CHCHD3: variants seen among roughly 807,000 people sequenced by gnomAD.
The protein encoded by CHCHD3 is MICOS complex subunit MIC19.
CHCHD3 carries 20 observed loss-of-function variants against 38.2 expected under a neutral mutation model. The observed-to-expected ratio is 0.52, with a 90% confidence interval of 0.37 to 0.76. The LOEUF is 0.76. CHCHD3 is among the 30% of genes least tolerant of loss of function. The pLI, the probability that CHCHD3 is intolerant of heterozygous loss-of-function variation, is 0.00. For missense variants in CHCHD3, 245 were observed against 279.2 expected, an observed-to-expected ratio of 0.88 and a Z score of 0.87; for synonymous variants, 82 against 100.0, an observed-to-expected ratio of 0.82 and a Z score of 1.07.
At chr7:132,873,480 C>G (rs1808819171) in intron 5 of CHCHD3, among the ~76,000 whole-genome samples, 1 of 148,688 alleles carries the variant, frequency 6.7e-6, no homozygotes, top group African/African-American at 2.5e-5. Context: ...GTGGCGCAAT[C>G]TCGGCTCCCT....
intron 5 of CHCHD3, among the ~76,000 whole-genome samples, chr7:132,877,866 AG>A (rs1808952470): frequency 1.3e-5 from 2 of 152,210 alleles, no homozygotes; most frequent in Admixed American, 1.3e-4. Context: ...AGTGCAAACT[AG>A]TATAACCCAC....
At position 132,881,001 on chromosome 7, in the gene CHCHD3, C is replaced by T. The variant is rs547408188; in HGVS notation, c.453+4661G>A. ...ACTCTCTAAGTATCTTTCAATTAGGCAAGACACCTAAATGTGATATCTCTA... is the reference window on the plus strand; with the variant it reads ...ACTCTCTAAGTATCTTTCAATTAGGTAAGACACCTAAATGTGATATCTCTA... On this transcript the variant is annotated intron_variant, in intron 5 of 7. Coordinates refer to ENST00000262570, the MANE Select transcript of CHCHD3 (RefSeq NM_017812.4). 1.5e-3 allele frequency among the ~76,000 whole-genome samples: 222 copies of T among 152,232 alleles called. 1 individual carries two copies. The highest frequency in any genetic ancestry group is 2.7e-3 in the Non-Finnish European group (184 of 67,988).
At chr7:132,989,667 T>C (rs568050227) in intron 3 of CHCHD3, among the ~76,000 whole-genome samples, 1 of 152,290 alleles carries the variant, frequency 6.6e-6, no homozygotes, top group African/African-American at 2.4e-5. Context: ...TATTCTGATT[T>C]TAGTTCATAA....
intron 4 of CHCHD3, among the ~76,000 whole-genome samples, chr7:132,890,982 G>A (rs1400426891): frequency 2.6e-5 from 4 of 152,074 alleles, no homozygotes; most frequent in African/African-American, 4.8e-5. Flanking sequence ...CAATATATAC[G>A]AACCTAAGAA....
At chr7:132,918,552 C>T (rs914643491) in intron 4 of CHCHD3, among the ~76,000 whole-genome samples, 1 of 152,300 alleles carries the variant, frequency 6.6e-6, no homozygotes, top group Middle Eastern at 3.4e-3. Flanking sequence ...ACATGAGTAT[C>T]AGCCCTTTTC....
At chr7:132,960,897 C>T (rs1313313642) in intron 4 of CHCHD3, among the ~76,000 whole-genome samples, 1 of 152,090 alleles carries the variant, frequency 6.6e-6, no homozygotes, top group Non-Finnish European at 1.5e-5. Context: ...ATTGCTTGAA[C>T]ACCAGAAGCG....
chr7:133,047,948 T>A (rs1324951405), intron 2 of CHCHD3, among the ~76,000 whole-genome samples: 1 of 151,954 alleles, frequency 6.6e-6, no homozygotes, highest in Non-Finnish European at 1.5e-5. Context: ...ATTAGCCAAG[T>A]GTGGTGGCAC....
chr7:132,936,019 A>C (rs1436855351), intron 4 of CHCHD3, among the ~76,000 whole-genome samples: 8 of 152,304 alleles, frequency 5.3e-5, no homozygotes, highest in Admixed American at 2.0e-4. Context: ...AACAGCAGTA[A>C]TCCATTCACG....
At chr7:132,874,302 A>G (rs1462913086) in intron 5 of CHCHD3, among the ~76,000 whole-genome samples, 2 of 152,232 alleles carry the variant, frequency 1.3e-5, no homozygotes, top group East Asian at 3.8e-4. Context: ...ATTACTGACC[A>G]TCATCAAACT....
At chr7:132,958,786 G>A (rs1240582234) in intron 4 of CHCHD3, among the ~76,000 whole-genome samples, 1 of 152,150 alleles carries the variant, frequency 6.6e-6, no homozygotes, top group African/African-American at 2.4e-5. Flanking sequence ...TATAATCTGT[G>A]AGCACAGGTA....
intron 5 of CHCHD3, among the ~76,000 whole-genome samples, chr7:132,852,664 C>T (rs1471223539): frequency 6.6e-6 from 1 of 152,168 alleles, no homozygotes; most frequent in Non-Finnish European, 1.5e-5. Context: ...TACAGAGACT[C>T]ATAACCAACA....
chr7:133,034,995 T>G, intron 2 of CHCHD3: 1 of 1,609,298 alleles, frequency 6.2e-7, no homozygotes, highest in Middle Eastern at 1.7e-4. Flanking sequence ...CTCCCAGAAA[T>G]ATGGCAGTGC....
At chr7:132,999,681 A>G (rs747957030) in intron 3 of CHCHD3, among the ~76,000 whole-genome samples, 1 of 151,040 alleles carries the variant, frequency 6.6e-6, no homozygotes, top group South Asian at 2.1e-4. Context: ...CTATTATTCA[A>G]TTTGATATTA....
chr7:133,033,093 G>A (rs775270002), intron 2 of CHCHD3, among the ~76,000 whole-genome samples: 3 of 152,014 alleles, frequency 2.0e-5, no homozygotes, highest in Non-Finnish European at 2.9e-5. Flanking sequence ...TTATGTAAAC[G>A]TTCAAACATA....
At chr7:132,841,489 G>A (rs921056714) in intron 5 of CHCHD3, among the ~76,000 whole-genome samples, 2 of 150,180 alleles carry the variant, frequency 1.3e-5, no homozygotes, top group Admixed American at 1.3e-4. Flanking sequence ...ATGAGAGAAC[G>A]GATAACTACT....
In CHCHD3 at chr7:132,820,039, C is replaced by T. The variant is rs373959465; in HGVS notation, c.524+18360G>A. ...TATATTATGATTTATTAGATAATGT[C>T]GATTATTTAACTTTGAAGCAGAAAC... On this transcript the variant is annotated intron_variant, in intron 6 of 7. Transcript: ENST00000262570. Among the ~76,000 whole-genome samples the T allele has an allele frequency of 2.2e-4, 33 of 152,138 alleles. No individual in the cohort carries two copies. In the East Asian group the frequency reaches 4.6e-3, roughly 21 times the overall value.
At chr7:132,964,409 C>T (rs1402299239) in intron 4 of CHCHD3, among the ~76,000 whole-genome samples, 2 of 152,032 alleles carry the variant, frequency 1.3e-5, no homozygotes, top group Admixed American at 6.6e-5. Context: ...GGTGAAACCC[C>T]GTCTCTACTA....
intron 2 of CHCHD3, among the ~76,000 whole-genome samples, chr7:133,046,896 C>T (rs1029448284): frequency 2.0e-4 from 31 of 152,282 alleles, no homozygotes; most frequent in African/African-American, 7.5e-4. Context: ...AATGGATCCA[C>T]AGGCTTCACC....
At chr7:132,895,485 G>C (rs185817904) in intron 4 of CHCHD3, among the ~76,000 whole-genome samples, 1 of 152,346 alleles carries the variant, frequency 6.6e-6, no homozygotes, top group East Asian at 1.9e-4. Context: ...AAAACCACAG[G>C]TTTAAGAGGT....
Sources: gnomAD v4.1 joint callset for allele counts (sites outside exome capture counted in the v4.1 genomes callset) on GRCh38, gnomAD v4.1.1 for gene constraint, MANE v1.5 for transcripts, NCBI Gene and HGNC (gene_info 2026-07-23, HGNC 2026-07-21) for gene names.